Variants in SLX9 observed in about 807,000 individuals in gnomAD.
SLX9 encodes the protein SLX9 ribosome biogenesis factor.
SLX9 carries 19 observed loss-of-function variants against 20.8 expected under a neutral mutation model. The observed-to-expected ratio is 0.91, with a 90% CI of 0.64 to 1.34. SLX9 has a LOEUF of 1.34. SLX9 is among the 40% of genes most tolerant of loss of function. SLX9 has a pLI of 0.00. For missense variants in SLX9, 299 were observed against 322.2 expected (o/e 0.93, Z 0.55); for synonymous variants, 113 against 137.1 (o/e 0.82, Z 1.23).
intron 3 of SLX9, among the ~76,000 whole-genome samples, chr21:44,963,792 A>T (rs1162082829): frequency 2.6e-5 from 4 of 152,176 alleles, no homozygotes; most frequent in Non-Finnish European, 4.4e-5. Flanking sequence ...CAAAAACCAG[A>T]CTGTCTTGAT....
chr21:44,967,703 G>T (rs578047121), intron 4 of SLX9, among the ~76,000 whole-genome samples: 1 of 152,328 alleles, frequency 6.6e-6, no homozygotes, highest in Middle Eastern at 3.4e-3. Flanking sequence ...AGGGTGGCCC[G>T]TGAGGACGGC....
intron 2 of SLX9, among the ~76,000 whole-genome samples, chr21:44,958,887 C>T (rs1357686066): frequency 2.0e-5 from 3 of 152,244 alleles, no homozygotes; most frequent in Non-Finnish European, 2.9e-5. Context: ...TGGCCTGCGC[C>T]CAGGCCTCGT....
At chr21:44,950,177 A>G (rs1348181804) in intron 2 of SLX9, among the ~76,000 whole-genome samples, 3 of 151,068 alleles carry the variant, frequency 2.0e-5, no homozygotes, top group Non-Finnish European at 4.4e-5. Context: ...TCTGGGCTTG[A>G]GTCCCAGGTG....
chr21:44,968,609 A>C (rs1294163355), intron 4 of SLX9, among the ~76,000 whole-genome samples: 2 of 152,148 alleles, frequency 1.3e-5, no homozygotes, highest in Non-Finnish European at 2.9e-5. Flanking sequence ...GCTGGAAGGC[A>C]CCACCCAGGT....
intron 2 of SLX9, among the ~76,000 whole-genome samples, chr21:44,945,883 C>T (rs536441371): frequency 9.9e-5 from 15 of 152,276 alleles, no homozygotes; most frequent in South Asian, 2.1e-4. Flanking sequence ...GCCCAGCTAA[C>T]GCCACCACGC....
chr21:44,965,078 T>C (rs1203766534), intron 3 of SLX9, among the ~76,000 whole-genome samples: 2 of 152,256 alleles, frequency 1.3e-5, no homozygotes, highest in African/African-American at 4.8e-5. Context: ...TCTTGTTGCT[T>C]GTTCTTTGTA....
chr21:44,964,558 C>G (rs2085000334), intron 3 of SLX9, among the ~76,000 whole-genome samples: 1 of 152,212 alleles, frequency 6.6e-6, no homozygotes, highest in Non-Finnish European at 1.5e-5. Context: ...CGCCTCTATG[C>G]TCCACCACAC....
intron 3 of SLX9, among the ~76,000 whole-genome samples, chr21:44,966,742 C>G (rs932986863): frequency 1.3e-5 from 2 of 152,242 alleles, no homozygotes; most frequent in Non-Finnish European, 1.5e-5. Context: ...CTCCCCTACG[C>G]GTGCTCCGGC....
intron 5 of SLX9, among the ~76,000 whole-genome samples, chr21:44,974,807 G>C (rs1387132289): frequency 6.6e-6 from 1 of 152,220 alleles, no homozygotes; most frequent in African/African-American, 2.4e-5. Context: ...GCGAACAGCA[G>C]AGCCCTCTCC....
At chr21:44,972,958 C>A (rs573888993) in intron 4 of SLX9, 12 of 590,386 alleles carry the variant, frequency 2.0e-5, no homozygotes, top group Non-Finnish European at 3.3e-5. Context: ...GGTCACAGGA[C>A]GGTCAGGCAG....
chr21:44,971,630 A>G (rs917954613), intron 4 of SLX9, among the ~76,000 whole-genome samples: 1 of 84,482 alleles, frequency 1.2e-5, no homozygotes, highest in Non-Finnish European at 2.3e-5. Context: ...GATGTCCTGG[A>G]CCCGGGCTCA....
chr21:44,952,560 A>C (rs1468354345), intron 2 of SLX9, among the ~76,000 whole-genome samples: 3 of 152,060 alleles, frequency 2.0e-5, no homozygotes, highest in Non-Finnish European at 4.4e-5. Flanking sequence ...CCCATGGGGG[A>C]TGCTGTGCCC....
rs540401263 is a variant in SLX9 at position 44,965,416 on chromosome 21, C to T, written c.353-1618C>T. Among the ~76,000 whole-genome samples, 135 of 152,270 alleles carry T rather than the reference C, an allele frequency of 8.9e-4. 1 individual carries two copies. Among genetic ancestry groups the T allele is most frequent in the African/African-American group, 3.1e-3 (127 of 41,548 alleles). On this transcript the variant is annotated intron_variant, in intron 3 of 5. Coordinates refer to ENST00000291634, the MANE Select transcript of SLX9 (RefSeq NM_058190.4). ...CGGGTGGGATTGTCGATATTGTGGTCATCTTTTCCTTGCTCGGATTTATCA... is the reference window on the plus strand; with the variant it reads ...CGGGTGGGATTGTCGATATTGTGGTTATCTTTTCCTTGCTCGGATTTATCA...
At chr21:44,962,906 A>G (rs547243015) in intron 3 of SLX9, among the ~76,000 whole-genome samples, 5 of 152,224 alleles carry the variant, frequency 3.3e-5, no homozygotes, top group South Asian at 2.1e-4. Flanking sequence ...GTTGCCACCA[A>G]AAGAGCATTT....
At chr21:44,953,390 C>T (rs1329492441) in intron 2 of SLX9, among the ~76,000 whole-genome samples, 1 of 152,144 alleles carries the variant, frequency 6.6e-6, no homozygotes, top group Admixed American at 6.5e-5. Flanking sequence ...GGCTGTACCT[C>T]CCAGAGCAGG....
chr21:44,948,371 G>A (rs1278455498), intron 2 of SLX9, among the ~76,000 whole-genome samples: 2 of 150,894 alleles, frequency 1.3e-5, no homozygotes, highest in African/African-American at 4.9e-5. Context: ...GGCGTCCGGG[G>A]AGCTGGTCAT....
intron 3 of SLX9, among the ~76,000 whole-genome samples, chr21:44,962,309 A>AC (rs1040057802): frequency 7.9e-5 from 12 of 151,782 alleles, no homozygotes; most frequent in Middle Eastern, 3.4e-3. Flanking sequence ...ACAGTCACGC[A>AC]CCCCCCCAGT....
intron 2 of SLX9, 83 bp from the exon 3 acceptor site, chr21:44,960,017 T>A: frequency 7.9e-7 from 1 of 1,258,128 alleles, no homozygotes; most frequent in Non-Finnish European, 1.2e-6. Context: ...AGCTCTGCAG[T>A]CAGGACCCGC....
chr21:44,945,423 A>G (rs1166352548), intron 2 of SLX9, among the ~76,000 whole-genome samples: 1 of 152,166 alleles, frequency 6.6e-6, no homozygotes, highest in Admixed American at 6.5e-5. Context: ...TGAGCTTCTC[A>G]GAGCTCTTTC....
Sources: allele counts gnomAD v4.1 joint callset (sites outside exome capture counted in the v4.1 genomes callset), GRCh38; gene constraint gnomAD v4.1.1; transcripts MANE v1.5; gene names NCBI Gene and HGNC (gene_info 2026-07-23, HGNC 2026-07-21).